APPL2: variants seen among roughly 807,000 people sequenced by gnomAD.
The protein encoded by APPL2 is adaptor protein, phosphotyrosine interacting with PH domain and leucine zipper 2.
A neutral mutation model predicts 92.7 loss-of-function variants in APPL2; 84 were observed. That is an observed-to-expected ratio of 0.91 (90% CI 0.76 to 1.09). The LOEUF (loss-of-function observed/expected upper bound fraction) is 1.09. Ranked by LOEUF, APPL2 falls within the 50% of genes least tolerant of loss-of-function variation. The pLI, the probability that APPL2 is intolerant of heterozygous loss-of-function variation, is 0.00. For missense variants in APPL2, 736 were observed against 824.5 expected, an observed-to-expected ratio of 0.89 and a Z score of 1.31; for synonymous variants, 291 against 291.0, an observed-to-expected ratio of 1.00 and a Z score of 0.00.
chr12:105,179,463 T>C (rs2135892316), intron 17 of APPL2, among the ~76,000 whole-genome samples: 1 of 152,340 alleles, frequency 6.6e-6, no homozygotes, highest in South Asian at 2.1e-4. Context: ...CATGTGTTTT[T>C]ATAGAAAATG....
intron 3 of APPL2, 115 bp downstream of exon 3, chr12:105,217,551 A>G: frequency 9.6e-7 from 1 of 1,038,568 alleles, no homozygotes; most frequent in Non-Finnish European, 1.4e-6. Flanking sequence ...CAGGACAAAA[A>G]AACTATGAAG....
chr12:105,189,411 A>G (rs1408158095), intron 16 of APPL2, among the ~76,000 whole-genome samples: 1 of 152,230 alleles, frequency 6.6e-6, no homozygotes. Context: ...CATTTGTGTC[A>G]TCTTCAAATT....
At chr12:105,176,386 G>A in intron 19 of APPL2, 1 of 514,892 alleles carries the variant, frequency 1.9e-6, no homozygotes, top group East Asian at 3.4e-5. Flanking sequence ...GCCACGATAT[G>A]TCCATATACA....
intron 1 of APPL2, chr12:105,229,615 C>T: frequency 1.0e-6 from 1 of 999,556 alleles, no homozygotes; most frequent in Non-Finnish European, 1.2e-6. Context: ...ACAGGTCAGG[C>T]CTATCTGTGT....
intron 17 of APPL2, among the ~76,000 whole-genome samples, chr12:105,184,925 C>A (rs1886456684): frequency 6.7e-6 from 1 of 150,278 alleles, no homozygotes; most frequent in African/African-American, 2.4e-5. Context: ...TGACTGGGGG[C>A]TGCTACCTTT....
rs765410899 is a variant in APPL2, at chr12:105,217,690, C to G, written c.189G>C (p.Lys63Asn). The G allele has an allele frequency of 1.2e-6, 2 of 1,613,952 alleles. No individual in the cohort carries two copies. The highest frequency in any genetic ancestry group is 2.2e-5 in the South Asian group (2 of 91,078). ...EMCLATQQLS[K>N]QLLAYEKQNF... Reference sequence around the variant, plus strand: ...CCTGTTTTTCATATGCCAGCAGTTGCTTAGAAAGCTGTTGTGTGGCCAGGC... The same window carrying G: ...CCTGTTTTTCATATGCCAGCAGTTGGTTAGAAAGCTGTTGTGTGGCCAGGC... The change falls in exon 3 of 21, where the codon AAG (lysine) becomes AAC (asparagine). Residue 63 changes from lysine (K) to asparagine (N), a missense_variant. Transcript: ENST00000258530.
At chr12:105,209,960 T>G (rs557989389) in intron 5 of APPL2, among the ~76,000 whole-genome samples, 25 of 151,840 alleles carry the variant, frequency 1.6e-4, no homozygotes, top group Non-Finnish European at 3.4e-4. Context: ...GAGGAAAATC[T>G]TCACCCTTTT....
intron 20 of APPL2, among the ~76,000 whole-genome samples, chr12:105,174,924 C>A (rs1185008583): frequency 6.8e-6 from 1 of 146,192 alleles, no homozygotes; most frequent in Non-Finnish European, 1.5e-5. Flanking sequence ...CGCTCTATCG[C>A]CCAGGCTGGA....
intron 11 of APPL2, among the ~76,000 whole-genome samples, chr12:105,196,571 G>C (rs1887672250): frequency 6.6e-6 from 1 of 151,496 alleles, no homozygotes; most frequent in African/African-American, 2.4e-5. Flanking sequence ...GAGTAGCTGG[G>C]ATTACAGGCA....
Position 105,195,573 on chromosome 12 carries a change from C to G in APPL2, c.1095+12G>C. On this transcript the variant is annotated intron_variant, in intron 12 of 20. Transcript: ENST00000258530. ...CACGTTAGGAAAGAAATATGACAAACAAAATTTTTACCTCTTCATTTTCCT... is the reference window on the plus strand; with the variant it reads ...CACGTTAGGAAAGAAATATGACAAAGAAAATTTTTACCTCTTCATTTTCCT... 1 of 1,614,188 alleles carries G rather than the reference C, an allele frequency of 6.2e-7. No homozygotes were observed. The highest frequency in any genetic ancestry group is 1.1e-5 in the South Asian group (1 of 91,078).
chr12:105,187,140 G>A (rs935251), intron 17 of APPL2, among the ~76,000 whole-genome samples: 83,160 of 151,952 alleles, frequency 0.55, 24,500 homozygotes, highest in Middle Eastern at 0.69. Flanking sequence ...TAAGAACCAT[G>A]AGCCCATTTC....
rs2272495 is a variant in APPL2, at chr12:105,190,099, G to A, written c.1298C>T (p.Ala433Val). 313,902 of 1,613,852 alleles carry A rather than the reference G, an allele frequency of 0.19. 31,285 individuals are homozygous for A. Among genetic ancestry groups the A allele is most frequent in the Admixed American group, 0.24 (14,570 of 59,962 alleles). ...ENENDKIVPK[A>V]TASLPEAEEL... is the part of the protein sequence containing the mutation. Reference sequence around the variant, plus strand: ...CTCTGCTTCAGGTAGACTGGCTGTTGCTTTGGGAACAATCTTGTCATTTTC... The same window carrying A: ...CTCTGCTTCAGGTAGACTGGCTGTTACTTTGGGAACAATCTTGTCATTTTC... The change falls in exon 15 of 21, where the codon GCA becomes GTA. Residue 433 changes from alanine (A) to valine (V), a missense_variant. Coordinates refer to ENST00000258530, the MANE Select transcript of APPL2 (RefSeq NM_018171.5).
Position 105,176,929 on chromosome 12 carries a change from C to T in APPL2, c.1759G>A (p.Gly587Arg), listed in dbSNP as rs767297070. ...GFVIRVPEST[G>R]EESLSTYIFE... ...ATGTATGTACTCAGAGATTCTTCTC[C>T]AGTGGATTCAGGAACACGGATGACA... The change falls in exon 19 of 21, where the codon GGA (glycine) becomes AGA (arginine). Residue 587 changes from glycine (G) to arginine (R), a missense_variant. Coordinates refer to ENST00000258530, the MANE Select transcript of APPL2 (RefSeq NM_018171.5). 8 of 1,613,948 alleles carry T rather than the reference C, an allele frequency of 5.0e-6. No homozygotes were observed. The African/African-American group carries it at 9.3e-5, about 19-fold the overall frequency.
chr12:105,186,718 T>TATATATATC (rs1172181381), intron 17 of APPL2, among the ~76,000 whole-genome samples: 8 of 131,616 alleles, frequency 6.1e-5, no homozygotes, highest in African/African-American at 5.9e-5. Flanking sequence ...TATCATATCA[T>TATATATATC]ATATATATCA....
chr12:105,196,068 A>G (rs1887618010), intron 11 of APPL2, among the ~76,000 whole-genome samples: 1 of 151,572 alleles, frequency 6.6e-6, no homozygotes, highest in African/African-American at 2.4e-5. Context: ...CAAAAAAAAA[A>G]AAAAGAAAAA....
At chr12:105,175,556 A>T (rs146375557) in intron 20 of APPL2, among the ~76,000 whole-genome samples, 3,924 of 152,332 alleles carry the variant, frequency 0.026, 84 homozygotes, top group Non-Finnish European at 0.04. Context: ...GGCAGGGACT[A>T]TATCTGTCTT....
intron 1 of APPL2, among the ~76,000 whole-genome samples, chr12:105,231,042 A>G (rs1019466099): frequency 4.6e-5 from 7 of 152,262 alleles, no homozygotes; most frequent in African/African-American, 1.7e-4. Context: ...GATAATATGC[A>G]TACACATTGT....
At chr12:105,217,014 A>G (rs1314776859) in intron 4 of APPL2, 55 bp downstream of exon 4, 8 of 1,345,542 alleles carry the variant, frequency 5.9e-6, no homozygotes, top group South Asian at 1.3e-5. Context: ...CAAAATAACA[A>G]CAAAAGAAAG....
intron 2 of APPL2, among the ~76,000 whole-genome samples, chr12:105,218,531 G>A (rs2136051525): frequency 6.6e-6 from 1 of 152,338 alleles, no homozygotes; most frequent in East Asian, 1.9e-4. Flanking sequence ...AGTCAGCCAT[G>A]GGGACGAGCT....
Sources: allele counts gnomAD v4.1 joint callset (sites outside exome capture counted in the v4.1 genomes callset), GRCh38; gene constraint gnomAD v4.1.1; transcripts MANE v1.5; gene names NCBI Gene and HGNC (gene_info 2026-07-23, HGNC 2026-07-21).